RAPGEF6: variants seen among roughly 807,000 people sequenced by gnomAD.
The protein encoded by RAPGEF6 is PDZ domain containing guanine nucleotide exchange factor (GEF) 2.
Under a neutral mutation model 171.4 loss-of-function variants are expected in RAPGEF6, and 56 were observed. The ratio of observed to expected loss-of-function variants is 0.33; its 90% CI spans 0.26 to 0.41. The LOEUF (loss-of-function observed/expected upper bound fraction) is 0.41. RAPGEF6 is among the 10% of genes least tolerant of loss of function. The pLI, the probability that RAPGEF6 is intolerant of heterozygous loss-of-function variation, is 1.00. For synonymous variants in RAPGEF6, 692 were observed against 650.1 expected (o/e 1.06, Z -0.98); for missense variants, 1,674 against 1,921.4 (o/e 0.87, Z 2.41).
Position 131,479,508 on chromosome 5 carries a change from C to T in RAPGEF6, c.2081+5G>A. On this transcript the variant is annotated splice_donor_5th_base_variant and intron_variant, in intron 16 of 27. Transcript: ENST00000509018. Reference sequence around the variant, plus strand: ...TCCTGCATAGCTAAGATCGGCATTACCTACCTAAATAGCTTTGGAGGCAAG... The same window carrying T: ...TCCTGCATAGCTAAGATCGGCATTATCTACCTAAATAGCTTTGGAGGCAAG... The T allele has an allele frequency of 6.2e-7, 1 of 1,613,386 alleles. No individual in the cohort carries two copies. The highest frequency in any genetic ancestry group is 8.5e-7 in the Non-Finnish European group (1 of 1,179,550).
intron 17 of RAPGEF6, among the ~76,000 whole-genome samples, chr5:131,465,032 T>C (rs1754233508): frequency 6.6e-6 from 1 of 152,238 alleles, no homozygotes; most frequent in African/African-American, 2.4e-5. Flanking sequence ...ACTCAGTAAC[T>C]GATAATGGTT....
intron 4 of RAPGEF6, among the ~76,000 whole-genome samples, chr5:131,579,588 A>C (rs1379618398): frequency 6.6e-6 from 1 of 152,142 alleles, no homozygotes; most frequent in Non-Finnish European, 1.5e-5. Context: ...CCAAGTCCCC[A>C]CTACATTAGC....
At chr5:131,541,742 G>A (rs1379742638) in intron 6 of RAPGEF6, among the ~76,000 whole-genome samples, 1 of 152,152 alleles carries the variant, frequency 6.6e-6, no homozygotes, top group Non-Finnish European at 1.5e-5. Context: ...ACTAATACAT[G>A]TGTTACTGGC....
At chr5:131,472,524 C>T in intron 17 of RAPGEF6, 63 bp downstream of exon 17, 1 of 1,553,112 alleles carries the variant, frequency 6.4e-7, no homozygotes, top group East Asian at 2.3e-5. Context: ...CTGCACAAGG[C>T]TTAACCATCT....
At chr5:131,542,532 T>C (rs1453390820) in intron 6 of RAPGEF6, among the ~76,000 whole-genome samples, 1 of 152,198 alleles carries the variant, frequency 6.6e-6, no homozygotes. Flanking sequence ...ATTATGATGG[T>C]TGACATTTTC....
chr5:131,490,301 A>G (rs1451959692), intron 14 of RAPGEF6, among the ~76,000 whole-genome samples: 3 of 152,192 alleles, frequency 2.0e-5, no homozygotes, highest in African/African-American at 7.2e-5. Context: ...AACAGAGAGC[A>G]GATCTAGGGG....
At chr5:131,517,820 C>A (rs972939857) in intron 7 of RAPGEF6, among the ~76,000 whole-genome samples, 1 of 128,618 alleles carries the variant, frequency 7.8e-6, no homozygotes, top group Admixed American at 7.9e-5. Flanking sequence ...CACACACACA[C>A]ACAAAATTTA....
At chr5:131,568,934 T>C (rs942550877) in intron 4 of RAPGEF6, among the ~76,000 whole-genome samples, 1 of 152,192 alleles carries the variant, frequency 6.6e-6, no homozygotes, top group African/African-American at 2.4e-5. Flanking sequence ...TATTTCTATA[T>C]ACTAGCAATG....
At chr5:131,468,331 CAAAAAAAAA>C (rs397760383) in intron 17 of RAPGEF6, among the ~76,000 whole-genome samples, 1 of 46,082 alleles carries the variant, frequency 2.2e-5, no homozygotes, top group African/African-American at 8.0e-5. Context: ...GACTCCATCT[CAAAAAAAAA>C]AAAAAAAAAA....
intron 9 of RAPGEF6, 96 bp downstream of exon 9, chr5:131,507,975 A>C: frequency 8.7e-7 from 1 of 1,143,814 alleles, no homozygotes; most frequent in South Asian, 2.0e-5. Flanking sequence ...AAATTTCAAA[A>C]ATCAGTACTC....
intron 22 of RAPGEF6, among the ~76,000 whole-genome samples, chr5:131,443,553 A>G (rs536573712): frequency 3.3e-5 from 5 of 152,316 alleles, no homozygotes; most frequent in East Asian, 3.9e-4. Context: ...GTATTTGATC[A>G]TATCATTTCC....
chr5:131,461,375 A>T (rs1753922061), intron 19 of RAPGEF6, among the ~76,000 whole-genome samples: 1 of 152,190 alleles, frequency 6.6e-6, no homozygotes. Context: ...ACAGTACAGA[A>T]GTCTAATGAT....
At chr5:131,616,440 T>C (rs111803894) in intron 1 of RAPGEF6, among the ~76,000 whole-genome samples, 1,889 of 152,276 alleles carry the variant, frequency 0.012, 24 homozygotes, top group Admixed American at 0.019. Context: ...GTTTACAATG[T>C]TATGCCAAGC....
rs146036344 is a variant in RAPGEF6 at position 131,514,675 on chromosome 5, G to A, written c.628-4184C>T. Among the ~76,000 whole-genome samples, 888 of 151,982 alleles carry A rather than the reference G, an allele frequency of 5.8e-3. 9 individuals are homozygous for A. Among genetic ancestry groups the A allele is most frequent in the African/African-American group, 0.021 (860 of 41,454 alleles). ...TATAAACTGTAAGAAGAATAAATTT[G>A]AAGAAAGGGCAACAAAAGCTACCCA... On this transcript the variant is annotated intron_variant, in intron 7 of 27. Coordinates refer to ENST00000509018, the MANE Select transcript of RAPGEF6 (RefSeq NM_016340.6).
chr5:131,587,574 A>G (rs1238115892), intron 4 of RAPGEF6, among the ~76,000 whole-genome samples: 1 of 152,202 alleles, frequency 6.6e-6, no homozygotes, highest in Non-Finnish European at 1.5e-5. Flanking sequence ...TCAATAAAAG[A>G]GCTAAAACTA....
chr5:131,600,527 G>A (rs115684460), intron 3 of RAPGEF6, among the ~76,000 whole-genome samples: 1,532 of 129,110 alleles, frequency 0.012, 11 homozygotes, highest in Non-Finnish European at 0.017. Context: ...AAGAACTAAC[G>A]AGAAGGAAGG....
Position 131,541,517 on chromosome 5 carries a change from C to CT in RAPGEF6, c.495+6529dup, listed in dbSNP as rs972647495. On this transcript the variant is annotated intron_variant, in intron 6 of 27. Coordinates refer to ENST00000509018, the MANE Select transcript of RAPGEF6 (RefSeq NM_016340.6). ...TCAAGATTCTTAATTTTTCTTTTTACTTTTTTTTTTTCTTTTTTTTGTAGA... is the reference window on the plus strand; with the variant it reads ...TCAAGATTCTTAATTTTTCTTTTTACTTTTTTTTTTTTCTTTTTTTTGTAGA... Among the ~76,000 whole-genome samples, 528 of 147,364 alleles carry CT rather than the reference C, an allele frequency of 3.6e-3. 3 individuals are homozygous for CT. Among genetic ancestry groups the CT allele is most frequent in the Non-Finnish European group, 5.3e-3 (353 of 66,354 alleles).
chr5:131,515,628 A>G (rs1364515140), intron 7 of RAPGEF6, among the ~76,000 whole-genome samples: 1 of 152,218 alleles, frequency 6.6e-6, no homozygotes, highest in Non-Finnish European at 1.5e-5. Context: ...GCAGAGAGAA[A>G]AAGTGACATG....
intron 4 of RAPGEF6, among the ~76,000 whole-genome samples, chr5:131,576,030 G>A (rs999961836): frequency 6.6e-5 from 10 of 151,996 alleles, no homozygotes; most frequent in Admixed American, 2.0e-4. Flanking sequence ...TCCTTCAACC[G>A]TACTCACTAT....
Sources: gnomAD v4.1 joint callset for allele counts (sites outside exome capture counted in the v4.1 genomes callset) on GRCh38, gnomAD v4.1.1 for gene constraint, MANE v1.5 for transcripts, NCBI Gene and HGNC (gene_info 2026-07-23, HGNC 2026-07-21) for gene names.